SPINK8: variants seen among roughly 807,000 people sequenced by gnomAD.
SPINK8 encodes serine peptidase inhibitor Kazal type 8 (putative), also known as serine protease inhibitor Kazal-type 8.
In SPINK8, 12 loss-of-function variants were observed where a neutral mutation model predicts 14.4. The observed-to-expected ratio is 0.83, with a 90% confidence interval of 0.53 to 1.35. The LOEUF (loss-of-function observed/expected upper bound fraction) is 1.35. Among genes scored for constraint, SPINK8 ranks in the 40% most tolerant of loss-of-function variants. The pLI is 0.00. For synonymous variants in SPINK8, 32 were observed against 37.6 expected (o/e 0.85, Z 0.55); for missense variants, 103 against 117.0 (o/e 0.88, Z 0.55).
At chr3:48,315,720 C>CAAAAAAAAAAAAAAAAAAAAAAAAAA (rs66504818) in intron 6 of SPINK8, among the ~76,000 whole-genome samples, 1 of 21,922 alleles carries the variant, frequency 4.6e-5, no homozygotes. Flanking sequence ...GACTCCATCT[C>CAAAAAAAAAAAAAAAAAAAAAAAAAA]AAAAAAAAAA....
rs66504818 is a variant in SPINK8 at position 48,315,720 on chromosome 3, C to CAAAA, written c.239+3773_239+3776dup. On this transcript the variant is annotated intron_variant, in intron 6 of 7. Transcript: ENST00000434006. Reference sequence around the variant, plus strand: ...TGGGTAACAGAGTAAGACTCCATCTCAAAAAAAAAAAAAAAAAAAAAAAAG... The same window carrying CAAAA: ...TGGGTAACAGAGTAAGACTCCATCTCAAAAAAAAAAAAAAAAAAAAAAAAAAAAG... Among the ~76,000 whole-genome samples, 33 of 21,880 alleles carry CAAAA rather than the reference C, an allele frequency of 1.5e-3. 1 individual carries two copies. The highest frequency in any genetic ancestry group is 6.1e-3 in the East Asian group (5 of 820). 14.4% of individuals were successfully genotyped at this position (21,880 alleles called of 152,430 possible). A position where few individuals can be genotyped will look rare whatever the true frequency, so the allele number is the denominator to read the frequency against.
chr3:48,333,451 C>T (rs1165472909), intron 1 of SPINK8, among the ~76,000 whole-genome samples, 84 bp downstream of exon 1: 1 of 152,170 alleles, frequency 6.6e-6, no homozygotes, highest in Admixed American at 6.5e-5. Flanking sequence ...AGTCCTAGAG[C>T]GTCCTCTGTG....
At position 48,307,003 on chromosome 3, in the gene SPINK8, C is replaced by T. The variant is rs781368133; in HGVS notation, c.283G>A (p.Glu95Lys). The T allele has an allele frequency of 1.2e-6, 2 of 1,613,012 alleles. No individual in the cohort carries two copies. Among genetic ancestry groups the T allele is most frequent in the Non-Finnish European group, 1.7e-6 (2 of 1,179,456 alleles). The stretch of plus-strand genomic sequence containing the variant: ...TCTTTGTCGTACGTTCAAGAGTTTT[C>T]CTGCAAGAGAAGTATCTGCTTAGAG... Reference protein sequence around the residue: ...NITKLYDGQCENS With the variant: ...NITKLYDGQCKNS Residue 95 changes from glutamate to lysine, a missense_variant and splice_region_variant, in exon 8 of 8, where the codon GAA becomes AAA. By Grantham distance (56) the Glu-to-Lys change is moderately conservative (BLOSUM62 1). Transcript: ENST00000434006.
At chr3:48,329,398 T>C (rs1156828202) in intron 2 of SPINK8, among the ~76,000 whole-genome samples, 124 bp from the exon 3 acceptor site, 2 of 152,216 alleles carry the variant, frequency 1.3e-5, no homozygotes, top group African/African-American at 4.8e-5. Context: ...TTTCTGAGGG[T>C]GATATGTACT....
intron 2 of SPINK8, among the ~76,000 whole-genome samples, chr3:48,331,514 T>C (rs2036260610): frequency 6.6e-6 from 1 of 152,220 alleles, no homozygotes. Flanking sequence ...TGATATTTGA[T>C]AGGTGTTCCC....
intron 6 of SPINK8, among the ~76,000 whole-genome samples, chr3:48,318,190 G>C (rs1560016692): frequency 6.6e-6 from 1 of 152,016 alleles, no homozygotes; most frequent in Non-Finnish European, 1.5e-5. Context: ...TCCCAGGCTG[G>C]AGTGCAGTGA....
intron 7 of SPINK8, among the ~76,000 whole-genome samples, chr3:48,308,685 T>C (rs1251997179): frequency 6.6e-6 from 1 of 152,216 alleles, no homozygotes; most frequent in Non-Finnish European, 1.5e-5. Context: ...CAATCCCTCT[T>C]TCTGCATGTC....
intron 6 of SPINK8, among the ~76,000 whole-genome samples, chr3:48,317,073 C>T (rs974430144): frequency 6.6e-6 from 1 of 152,212 alleles, no homozygotes; most frequent in Admixed American, 6.5e-5. Flanking sequence ...ATCTTTCTCT[C>T]CTAAGAGGCA....
At chr3:48,310,051 CT>C (rs2035905056) in intron 6 of SPINK8, 105 bp from the exon 7 acceptor site, 2 of 1,216,346 alleles carry the variant, frequency 1.6e-6, no homozygotes. Flanking sequence ...AATAAACATT[CT>C]GCTAATAATG....
chr3:48,313,289 C>T (rs940614341), intron 6 of SPINK8, among the ~76,000 whole-genome samples: 14 of 152,024 alleles, frequency 9.2e-5, no homozygotes, highest in African/African-American at 3.1e-4. Flanking sequence ...AACATAAAGA[C>T]AACACAATTT....
At chr3:48,311,850 C>T (rs951780723) in intron 6 of SPINK8, among the ~76,000 whole-genome samples, 2 of 152,172 alleles carry the variant, frequency 1.3e-5, no homozygotes, top group South Asian at 4.1e-4. Context: ...TATCAAAATT[C>T]CAGTGGCCTT....
chr3:48,315,575 G>T (rs1308955228), intron 6 of SPINK8, among the ~76,000 whole-genome samples: 4 of 151,954 alleles, frequency 2.6e-5, no homozygotes, highest in African/African-American at 9.7e-5. Flanking sequence ...ACAAAAATTA[G>T]TGGGGCTTGA....
At chr3:48,319,994 G>A (rs2036050608) in intron 5 of SPINK8, among the ~76,000 whole-genome samples, 3 of 151,894 alleles carry the variant, frequency 2.0e-5, no homozygotes. Context: ...GCCGGGCGTG[G>A]TGGTGGGCGC....
intron 4 of SPINK8, among the ~76,000 whole-genome samples, chr3:48,322,909 G>T (rs1415280484): frequency 6.6e-6 from 1 of 151,948 alleles, no homozygotes; most frequent in Non-Finnish European, 1.5e-5. Flanking sequence ...ACACATTTTT[G>T]TGTGGGCATG....
intron 2 of SPINK8, among the ~76,000 whole-genome samples, chr3:48,329,860 A>C (rs780597757): frequency 6.6e-6 from 1 of 152,222 alleles, no homozygotes; most frequent in Non-Finnish European, 1.5e-5. Context: ...AAATTACCTT[A>C]TATGGAATCC....
Position 48,309,797 on chromosome 3 carries a change from A to G in SPINK8, c.282+107T>C, listed in dbSNP as rs1404544967. 3.0e-6 allele frequency: 4 copies of G among 1,329,686 alleles called. No homozygotes were observed. The East Asian group carries it at 1.3e-4, about 44-fold the overall frequency. The allele number at this position is 1,329,686 out of a possible 1,614,324, so 82.4% of individuals were successfully genotyped here. ...TCTATTATTGGCTCTACTTTTATGT[A>G]TGTTTGAAAATGTTCATAACAAAAC... On this transcript the variant is annotated intron_variant, in intron 7 of 7. Coordinates refer to ENST00000434006, the MANE Select transcript of SPINK8 (RefSeq NM_001080525.3).
At position 48,319,524 on chromosome 3, in the gene SPINK8, C is replaced by G. The variant is rs757879186; in HGVS notation, c.212G>C (p.Ser71Thr). 20 of 1,613,980 alleles carry G rather than the reference C, an allele frequency of 1.2e-5. 1 individual carries two copies. In the Middle Eastern group the frequency reaches 4.9e-4, roughly 40 times the overall value. ...ICGSDQVTYSSDCHLCSKILF... is the reference protein window; with the variant it reads ...ICGSDQVTYSTDCHLCSKILF... ...AATTTTGGAGCACAGATGGCAGTCA[C>G]TACTGTAGGTAACCTGGTCACTGCC... Residue 71 changes from serine to threonine, a missense_variant, in exon 6 of 8, where the codon AGT becomes ACT. Coordinates refer to ENST00000434006, the MANE Select transcript of SPINK8 (RefSeq NM_001080525.3).
intron 7 of SPINK8, among the ~76,000 whole-genome samples, chr3:48,307,232 G>A: frequency 6.6e-6 from 1 of 152,162 alleles, no homozygotes; most frequent in East Asian, 1.9e-4. Flanking sequence ...TTGGACTCCA[G>A]GAGAGCCTCT....
intron 6 of SPINK8, among the ~76,000 whole-genome samples, chr3:48,314,676 C>T (rs139889101): frequency 1.3e-5 from 2 of 152,280 alleles, no homozygotes; most frequent in African/African-American, 4.8e-5. Flanking sequence ...TGCAAACAGC[C>T]TTTTCCCTGG....
Sources: gnomAD v4.1 joint callset for allele counts (sites outside exome capture counted in the v4.1 genomes callset) on GRCh38, gnomAD v4.1.1 for gene constraint, MANE v1.5 for transcripts, NCBI Gene and HGNC (gene_info 2026-07-23, HGNC 2026-07-21) for gene names.